The following LONP2 variants were observed in gnomAD, a reference collection of about 807,000 sequenced individuals.
LONP2 encodes lon peptidase 2, peroxisomal.
LONP2 carries 60 observed loss-of-function variants against 85.6 expected under a neutral mutation model. That is an observed-to-expected ratio of 0.70 (90% CI 0.57 to 0.87). The LOEUF (loss-of-function observed/expected upper bound fraction) is 0.87. LONP2 is among the 40% of genes least tolerant of loss of function. The pLI is 0.00. For synonymous variants in LONP2, 395 were observed against 389.7 expected (o/e 1.01, Z -0.16); for missense variants, 860 against 1,063.5 (o/e 0.81, Z 2.66).
At chr16:48,340,423 C>G (rs565257098) in intron 12 of LONP2, among the ~76,000 whole-genome samples, 11 of 152,296 alleles carry the variant, frequency 7.2e-5, no homozygotes, top group African/African-American at 1.7e-4. Flanking sequence ...AAAAAATCCC[C>G]ATTGTTTTTC....
intron 8 of LONP2, among the ~76,000 whole-genome samples, chr16:48,294,088 C>G (rs1293633396): frequency 6.6e-6 from 1 of 152,148 alleles, no homozygotes; most frequent in East Asian, 1.9e-4. Context: ...AGGCATGTGC[C>G]ACCATACCAG....
rs1972684918 is a variant in LONP2, at chr16:48,296,868, C to T, written c.1534+703C>T. Among the ~76,000 whole-genome samples, 2 of 151,992 alleles carry T rather than the reference C, an allele frequency of 1.3e-5. 1 individual carries two copies. The highest frequency in any genetic ancestry group is 4.1e-4 in the South Asian group (2 of 4,824). ...ATGTCTTCCCTGTCACTGGAGCGTGCAAAATGTATTCCTTCAGTTACTAAC... is the reference window on the plus strand; with the variant it reads ...ATGTCTTCCCTGTCACTGGAGCGTGTAAAATGTATTCCTTCAGTTACTAAC... On this transcript the variant is annotated intron_variant, in intron 9 of 14. Coordinates refer to ENST00000285737, the MANE Select transcript of LONP2 (RefSeq NM_031490.5).
At chr16:48,277,609 G>T in intron 8 of LONP2, 130 bp downstream of exon 8, 2 of 799,002 alleles carry the variant, frequency 2.5e-6, no homozygotes, top group Non-Finnish European at 3.6e-6. Context: ...TACCGGCTGA[G>T]GTCTGAGCAA....
chr16:48,302,528 C>G (rs1047757933), intron 10 of LONP2, among the ~76,000 whole-genome samples: 1 of 152,214 alleles, frequency 6.6e-6, no homozygotes, highest in Non-Finnish European at 1.5e-5. Context: ...AATGACTTAA[C>G]GGAGTTTGAT....
intron 8 of LONP2, among the ~76,000 whole-genome samples, chr16:48,283,227 C>T (rs1429690769): frequency 6.6e-6 from 1 of 152,214 alleles, no homozygotes; most frequent in Non-Finnish European, 1.5e-5. Context: ...GCAGCAAGTA[C>T]TGATGTATTG....
chr16:48,258,312 A>T (rs1971804327), intron 3 of LONP2, among the ~76,000 whole-genome samples: 1 of 150,498 alleles, frequency 6.6e-6, no homozygotes, highest in South Asian at 2.1e-4. Flanking sequence ...TCGCCACTGC[A>T]CTCCAACCTG....
chr16:48,321,462 A>AT lies in LONP2; in HGVS notation c.1796-12752dup, dbSNP rs1973262991. On this transcript the variant is annotated intron_variant, in intron 11 of 14. Coordinates refer to ENST00000285737, the MANE Select transcript of LONP2 (RefSeq NM_031490.5). ...TTTGGGCCCTTGTTTATACCAGTTTATTCAATCAGTGAGTCAGCTAGCATT... is the reference window on the plus strand; with the variant it reads ...TTTGGGCCCTTGTTTATACCAGTTTATTTCAATCAGTGAGTCAGCTAGCATT... Among the ~76,000 whole-genome samples the AT allele has an allele frequency of 1.1e-4, 17 of 152,324 alleles. No homozygotes were observed. In the South Asian group the frequency reaches 3.5e-3, roughly 32 times the overall value.
At chr16:48,337,774 T>A (rs879302420) in intron 12 of LONP2, among the ~76,000 whole-genome samples, 1 of 152,206 alleles carries the variant, frequency 6.6e-6, no homozygotes, top group African/African-American at 2.4e-5. Context: ...CTGGAATACA[T>A]GTTGAGGTGT....
At chr16:48,280,621 A>T (rs1972306336) in intron 8 of LONP2, among the ~76,000 whole-genome samples, 1 of 152,198 alleles carries the variant, frequency 6.6e-6, no homozygotes, top group South Asian at 2.1e-4. Flanking sequence ...CTCAGAGTAA[A>T]TGCCCCCTGG....
chr16:48,291,498 C>T (rs932922495), intron 8 of LONP2, among the ~76,000 whole-genome samples: 3 of 152,226 alleles, frequency 2.0e-5, no homozygotes, highest in Non-Finnish European at 4.4e-5. Context: ...TCCCACGGTT[C>T]ATCCCATTGT....
At chr16:48,351,290 T>G (rs1960137458) in intron 14 of LONP2, among the ~76,000 whole-genome samples, 2 of 152,198 alleles carry the variant, frequency 1.3e-5, no homozygotes, top group South Asian at 4.1e-4. Flanking sequence ...AATGCCAATT[T>G]ACTTTGACAG....
At chr16:48,321,308 C>T (rs527921099) in intron 11 of LONP2, among the ~76,000 whole-genome samples, 1 of 152,186 alleles carries the variant, frequency 6.6e-6, no homozygotes, top group African/African-American at 2.4e-5. Flanking sequence ...TTTAACTACT[C>T]ATCTAAATAA....
At chr16:48,301,835 C>CTTA (rs1014276386) in intron 10 of LONP2, among the ~76,000 whole-genome samples, 1 of 152,184 alleles carries the variant, frequency 6.6e-6, no homozygotes, top group African/African-American at 2.4e-5. Flanking sequence ...AAAATACTAT[C>CTTA]AGGTGCTGCA....
chr16:48,287,562 A>C (rs1220915286), intron 8 of LONP2, among the ~76,000 whole-genome samples: 3 of 152,210 alleles, frequency 2.0e-5, no homozygotes, highest in African/African-American at 4.8e-5. Flanking sequence ...TGCCAGAGTC[A>C]AACAGGGACA....
intron 9 of LONP2, 73 bp from the exon 10 acceptor site, chr16:48,299,589 A>G: frequency 1.3e-6 from 2 of 1,537,326 alleles, no homozygotes; most frequent in Non-Finnish European, 1.8e-6. Context: ...CTCTAAAAAA[A>G]AAAACAAAAA....
intron 8 of LONP2, among the ~76,000 whole-genome samples, chr16:48,289,406 AG>A (rs1277555995): frequency 3.9e-5 from 6 of 152,188 alleles, no homozygotes; most frequent in Non-Finnish European, 7.3e-5. Context: ...CAGGTAGATA[AG>A]AGACAAACCC....
rs749278766 is a variant in LONP2, at chr16:48,303,235, G to A, written c.1725G>A (p.Val575=). Residue 575 remains valine (V), a synonymous_variant, in exon 11 of 15, where the codon GTG becomes GTA. Coordinates refer to ENST00000285737, the MANE Select transcript of LONP2 (RefSeq NM_031490.5). ...AACTTGGGGCCATTTGCCGAGCTGT[G>A]GCCGTGAAGGTGGCAGAAGGACAGC... is the stretch of plus-strand genomic sequence containing the variant. ...DRKLGAICRA[V]AVKVAEGQHK... is the part of the protein sequence containing the mutation. 12 of 1,614,138 alleles carry A rather than the reference G, an allele frequency of 7.4e-6. No individual in the cohort carries two copies. In the South Asian group the frequency reaches 8.8e-5, roughly 12 times the overall value.
At chr16:48,293,644 A>G (rs1261758645) in intron 8 of LONP2, among the ~76,000 whole-genome samples, 1 of 152,130 alleles carries the variant, frequency 6.6e-6, no homozygotes, top group African/African-American at 2.4e-5. Context: ...TCTCACTAGA[A>G]GGACACAACA....
chr16:48,309,061 A>G (rs934106763), intron 11 of LONP2, among the ~76,000 whole-genome samples: 2 of 152,216 alleles, frequency 1.3e-5, no homozygotes, highest in African/African-American at 4.8e-5. Flanking sequence ...AATGCTCAAT[A>G]TCACTAATCA....
Sources: gnomAD v4.1 joint callset for allele counts (sites outside exome capture counted in the v4.1 genomes callset) on GRCh38, gnomAD v4.1.1 for gene constraint, MANE v1.5 for transcripts, NCBI Gene and HGNC (gene_info 2026-07-23, HGNC 2026-07-21) for gene names.